The following SEZ6L variants were observed in gnomAD, a reference collection of about 807,000 sequenced individuals.
The protein encoded by SEZ6L is seizure related 6 homolog like.
In SEZ6L, 37 loss-of-function variants were observed where a neutral mutation model predicts 106.2. That is an observed-to-expected ratio of 0.35 (90% CI 0.27 to 0.46). SEZ6L has a LOEUF of 0.46. Among genes scored for constraint, SEZ6L ranks in the 20% least tolerant of loss-of-function variants. The pLI, the probability that SEZ6L is intolerant of heterozygous loss-of-function variation, is 1.00. For missense variants in SEZ6L, 1,172 were observed against 1,332.8 expected, an observed-to-expected ratio of 0.88 and a Z score of 1.88; for synonymous variants, 541 against 570.4, an observed-to-expected ratio of 0.95 and a Z score of 0.73.
intron 9 of SEZ6L, among the ~76,000 whole-genome samples, chr22:26,320,779 C>T (rs1382921847): frequency 6.6e-6 from 1 of 152,164 alleles, no homozygotes; most frequent in African/African-American, 2.4e-5. Flanking sequence ...CAACCAGGGT[C>T]TATCTTGCCC....
chr22:26,300,250 C>A (rs920324351), intron 5 of SEZ6L, among the ~76,000 whole-genome samples: 12 of 152,104 alleles, frequency 7.9e-5, no homozygotes, highest in Non-Finnish European at 4.4e-5. Context: ...GTGTGCTGCA[C>A]CCATTAACTC....
chr22:26,299,161 T>C lies in SEZ6L; in HGVS notation c.1340T>C (p.Ile447Thr). ...SKPHWSSQEP[I>T]CSAPCGGAVH... ...CCGCACTGGAGCAGCCAGGAGCCCA[T>C]CTGCTCAGGTATGCTCCAGCCTCAG... Residue 447 changes from isoleucine (I) to threonine (T), a missense_variant, in exon 5 of 17, where the codon ATC (isoleucine) becomes ACC (threonine). This residue lies in a region of SEZ6L where 534 missense variants were observed against 691.0 expected (regional missense o/e 0.77). Coordinates refer to ENST00000248933, the MANE Select transcript of SEZ6L (RefSeq NM_021115.5). 6.5e-7 allele frequency: 1 copy of C among 1,541,886 alleles called. No homozygotes were observed.
At position 26,276,091 on chromosome 22, in the gene SEZ6L, C is replaced by T. The variant is rs116599147; in HGVS notation, c.95-16315C>T. On this transcript the variant is annotated intron_variant, in intron 1 of 16. Coordinates refer to ENST00000248933, the MANE Select transcript of SEZ6L (RefSeq NM_021115.5). ...AGCCCCAGTTTGCTCACCATTAAAA[C>T]GAAGTTAACAATCACAAAGTCACTG... is the stretch of plus-strand genomic sequence containing the variant. Among the ~76,000 whole-genome samples, 631 of 152,306 alleles carry T rather than the reference C, an allele frequency of 4.1e-3. 9 individuals are homozygous for T. Among genetic ancestry groups the T allele is most frequent in the African/African-American group, 0.014 (596 of 41,558 alleles).
chr22:26,186,507 G>C (rs779195843), intron 1 of SEZ6L, among the ~76,000 whole-genome samples: 1 of 152,096 alleles, frequency 6.6e-6, no homozygotes, highest in Non-Finnish European at 1.5e-5. Flanking sequence ...GGGGAGGTTA[G>C]TGGATGGAAA....
intron 4 of SEZ6L, among the ~76,000 whole-genome samples, chr22:26,298,402 C>G (rs775070677): frequency 3.3e-5 from 5 of 152,194 alleles, no homozygotes; most frequent in African/African-American, 1.2e-4. Context: ...GAAGGAGGCT[C>G]TTTCTCTGTA....
At chr22:26,284,964 T>C (rs2080889560) in intron 1 of SEZ6L, among the ~76,000 whole-genome samples, 1 of 152,162 alleles carries the variant, frequency 6.6e-6, no homozygotes, top group East Asian at 1.9e-4. Flanking sequence ...ACAGTATTGT[T>C]TGGAGATCGG....
intron 9 of SEZ6L, among the ~76,000 whole-genome samples, 196 bp downstream of exon 9, chr22:26,314,098 A>G (rs892665901): frequency 6.7e-6 from 1 of 149,782 alleles, no homozygotes; most frequent in African/African-American, 2.4e-5. Context: ...ACACACACAG[A>G]GAGAGAGAGA....
intron 9 of SEZ6L, among the ~76,000 whole-genome samples, chr22:26,324,794 T>C (rs1464118370): frequency 6.6e-6 from 1 of 152,202 alleles, no homozygotes; most frequent in African/African-American, 2.4e-5. Flanking sequence ...ATGAGGAAAC[T>C]GAGGCCCAGA....
At chr22:26,279,366 G>A (rs1162024255) in intron 1 of SEZ6L, among the ~76,000 whole-genome samples, 2 of 152,166 alleles carry the variant, frequency 1.3e-5, no homozygotes, top group Non-Finnish European at 2.9e-5. Flanking sequence ...CTGAGAGGAA[G>A]AGGAGGGCTG....
At chr22:26,215,498 G>A (rs186659198) in intron 1 of SEZ6L, among the ~76,000 whole-genome samples, 2 of 152,086 alleles carry the variant, frequency 1.3e-5, no homozygotes, top group African/African-American at 4.8e-5. Context: ...TGGGAGAGGC[G>A]ATTCGTTTTG....
intron 1 of SEZ6L, among the ~76,000 whole-genome samples, chr22:26,228,226 T>G (rs538170267): frequency 2.0e-5 from 3 of 152,124 alleles, no homozygotes; most frequent in African/African-American, 7.2e-5. Flanking sequence ...ACAAACGAGC[T>G]AGAAAATGAA....
chr22:26,240,094 A>ACACT (rs1556194705), intron 1 of SEZ6L, among the ~76,000 whole-genome samples: 152 of 130,570 alleles, frequency 1.2e-3, no homozygotes, highest in Middle Eastern at 8.3e-3. Context: ...ACACACACTC[A>ACACT]CACACACACA....
chr22:26,367,343 T>G (rs1568950334), intron 13 of SEZ6L, among the ~76,000 whole-genome samples: 1 of 151,988 alleles, frequency 6.6e-6, no homozygotes, highest in Non-Finnish European at 1.5e-5. Flanking sequence ...TTGTTTGTTT[T>G]TGTTTGTTTG....
At chr22:26,230,163 G>T (rs1199014051) in intron 1 of SEZ6L, among the ~76,000 whole-genome samples, 1 of 152,136 alleles carries the variant, frequency 6.6e-6, no homozygotes, top group African/African-American at 2.4e-5. Context: ...AGAGCTAAGG[G>T]TGACTGAGAC....
chr22:26,217,200 A>G (rs2078323927), intron 1 of SEZ6L, among the ~76,000 whole-genome samples: 1 of 152,204 alleles, frequency 6.6e-6, no homozygotes, highest in Non-Finnish European at 1.5e-5. Flanking sequence ...CTGGGACCCC[A>G]GAATGCCCCA....
At chr22:26,242,136 G>C (rs2079156008) in intron 1 of SEZ6L, among the ~76,000 whole-genome samples, 1 of 152,362 alleles carries the variant, frequency 6.6e-6, no homozygotes, top group African/African-American at 2.4e-5. Context: ...TGCCCAGGCA[G>C]GTTGCTGAAA....
chr22:26,272,209 G>T (rs7288995), intron 1 of SEZ6L, among the ~76,000 whole-genome samples: 1,998 of 152,278 alleles, frequency 0.013, 52 homozygotes, highest in African/African-American at 0.046. Context: ...GAAATGTTTT[G>T]CATATTTATC....
At chr22:26,248,833 C>T (rs1232814130) in intron 1 of SEZ6L, among the ~76,000 whole-genome samples, 1 of 152,204 alleles carries the variant, frequency 6.6e-6, no homozygotes, top group East Asian at 1.9e-4. Flanking sequence ...GTGGATCCTG[C>T]TGCAAAGCTG....
At chr22:26,261,897 G>T (rs2080020303) in intron 1 of SEZ6L, among the ~76,000 whole-genome samples, 1 of 152,060 alleles carries the variant, frequency 6.6e-6, no homozygotes, top group Non-Finnish European at 1.5e-5. Flanking sequence ...AGGAGGAGGT[G>T]GGATTGGTCA....
Sources: gnomAD v4.1 joint callset for allele counts (sites outside exome capture counted in the v4.1 genomes callset) on GRCh38, gnomAD v4.1.1 for gene constraint, gnomAD v4.1.1 regional missense constraint, MANE v1.5 for transcripts, NCBI Gene and HGNC (gene_info 2026-07-23, HGNC 2026-07-21) for gene names.